Variants in PROX1 observed in about 807,000 individuals in gnomAD.
The protein encoded by PROX1 is prospero homeobox protein 1.
In PROX1, 7 loss-of-function variants were observed where a neutral mutation model predicts 58.8. The observed-to-expected ratio is 0.12, with a 90% CI of 0.07 to 0.22. PROX1 has a LOEUF of 0.22. PROX1 is among the 10% of genes least tolerant of loss of function. The pLI, the probability that PROX1 is intolerant of heterozygous loss-of-function variation, is 1.00. For synonymous variants in PROX1, 350 were observed against 358.3 expected (o/e 0.98, Z 0.26); for missense variants, 675 against 927.8 (o/e 0.73, Z 3.54).
At position 214,038,316 on chromosome 1, in the gene PROX1, C is replaced by G. The variant is rs989378554; in HGVS notation, c.*2482C>G. On this transcript the variant is annotated 3_prime_UTR_variant, in exon 5 of 5. Transcript: ENST00000366958. The stretch of plus-strand genomic sequence containing the variant: ...TTCCGGTGGTTTTCCCTTTTACAAT[C>G]GAAATCTTGTGCCTCCCAAGTGCAT... The G allele has an allele frequency of 1.3e-5, 2 of 152,070 alleles. No homozygotes were observed. The highest frequency in any genetic ancestry group is 6.5e-5 in the Admixed American group (1 of 15,268). The allele number at this position is 152,070 out of a possible 1,614,324, so 9.4% of individuals were successfully genotyped here. A position where few individuals can be genotyped will look rare whatever the true frequency, so the allele number is the denominator to read the frequency against.
intron 4 of PROX1, among the ~76,000 whole-genome samples, chr1:214,018,781 G>A (rs1350327048): frequency 2.0e-5 from 3 of 152,130 alleles, no homozygotes; most frequent in Admixed American, 2.0e-4. Context: ...CGACAGGATG[G>A]CCAGAATCAA....
chr1:214,025,250 G>A (rs1425776102), intron 4 of PROX1, among the ~76,000 whole-genome samples: 2 of 152,168 alleles, frequency 1.3e-5, no homozygotes, highest in Non-Finnish European at 2.9e-5. Context: ...CGGGGGAATG[G>A]TCTGGCCTTA....
chr1:213,997,521 GCAA>G lies in PROX1; in HGVS notation c.993_995del (p.Asn331del). The G allele has an allele frequency of 6.2e-7, 1 of 1,614,004 alleles. No individual in the cohort carries two copies. The highest frequency in any genetic ancestry group is 8.5e-7 in the Non-Finnish European group (1 of 1,179,970). On this transcript the variant is annotated inframe_deletion, in exon 2 of 5. Coordinates refer to ENST00000366958, the MANE Select transcript of PROX1 (RefSeq NM_001270616.2). This position sits in a 1 kb window ranked among gnomAD's most constrained non-coding sequence, Gnocchi z 7.1. ...GCTGAAAACAAGCCGAAGCGAGAAG[GCAA>G]CAACAAAGAAAGAGACCATGGGCCA...
intron 1 of PROX1, among the ~76,000 whole-genome samples, chr1:213,993,082 A>G (rs1663094940): frequency 6.6e-6 from 1 of 152,182 alleles, no homozygotes; most frequent in South Asian, 2.1e-4. Flanking sequence ...TAAGATATGC[A>G]TTGTATAAGA....
At chr1:213,998,874 CTT>C (rs59232877) in intron 2 of PROX1, among the ~76,000 whole-genome samples, 2 of 147,752 alleles carry the variant, frequency 1.4e-5, no homozygotes, top group African/African-American at 5.0e-5. Context: ...TTAAGTGAGA[CTT>C]TTTTTTTTAA....
At chr1:213,993,985 C>T (rs1452768984) in intron 1 of PROX1, among the ~76,000 whole-genome samples, 2 of 152,204 alleles carry the variant, frequency 1.3e-5, no homozygotes, top group African/African-American at 4.8e-5. Context: ...ACTCCACAAG[C>T]ATTTCTTTCC....
intron 3 of PROX1, among the ~76,000 whole-genome samples, chr1:214,008,202 C>T (rs1200121528): frequency 2.6e-5 from 4 of 152,194 alleles, no homozygotes; most frequent in East Asian, 3.9e-4. Context: ...CAGGAATGTG[C>T]CACCACGCCT....
At chr1:214,007,039 A>AT (rs953421018) in intron 3 of PROX1, among the ~76,000 whole-genome samples, 5 of 152,212 alleles carry the variant, frequency 3.3e-5, no homozygotes, top group Non-Finnish European at 7.4e-5. Flanking sequence ...AGAAACAATC[A>AT]TTTTTTGTGA....
intron 4 of PROX1, among the ~76,000 whole-genome samples, chr1:214,027,248 A>G (rs1324037260): frequency 6.9e-6 from 1 of 144,906 alleles, no homozygotes; most frequent in African/African-American, 2.6e-5. Flanking sequence ...TTAACATGAC[A>G]TTGCCTGGTG....
At chr1:214,019,742 G>C (rs1212306432) in intron 4 of PROX1, among the ~76,000 whole-genome samples, 1 of 152,176 alleles carries the variant, frequency 6.6e-6, no homozygotes, top group Non-Finnish European at 1.5e-5. Flanking sequence ...CAGAGCCCAA[G>C]CACATCTTCT....
chr1:214,002,412 C>CTTTTTTTTTTTTT (rs774337530), intron 2 of PROX1, among the ~76,000 whole-genome samples: 3 of 116,378 alleles, frequency 2.6e-5, no homozygotes, highest in Non-Finnish European at 3.5e-5. Context: ...TTTCTTTTTT[C>CTTTTTTTTTTTTT]TTTTTTTTTT....
Position 214,012,928 on chromosome 1 carries a change from C to A in PROX1, c.2028+1213C>A, listed in dbSNP as rs181244161. 2.0e-4 allele frequency among the ~76,000 whole-genome samples: 30 copies of A among 152,216 alleles called. 1 individual carries two copies. Among genetic ancestry groups the A allele is most frequent in the Non-Finnish European group, 5.9e-5 (4 of 68,006 alleles). Reference sequence around the variant, plus strand: ...CCCTAGTACTCTTCCTGCTTGCCCCCCTCCTTTTTTTCGGCTCTTGTCCCT... The same window carrying A: ...CCCTAGTACTCTTCCTGCTTGCCCCACTCCTTTTTTTCGGCTCTTGTCCCT... On this transcript the variant is annotated intron_variant, in intron 4 of 4. Coordinates refer to ENST00000366958, the MANE Select transcript of PROX1 (RefSeq NM_001270616.2).
At chr1:214,017,183 T>C (rs1664126380) in intron 4 of PROX1, among the ~76,000 whole-genome samples, 1 of 152,116 alleles carries the variant, frequency 6.6e-6, no homozygotes. Flanking sequence ...AAAAGATGTT[T>C]TGTGGCAGCC....
intron 4 of PROX1, among the ~76,000 whole-genome samples, chr1:214,015,235 C>T (rs539423220): frequency 6.6e-6 from 1 of 152,124 alleles, no homozygotes; most frequent in South Asian, 2.1e-4. Context: ...CATATCACAC[C>T]GGGTGGGGTG....
chr1:214,029,883 A>T (rs570947071), intron 4 of PROX1: 1 of 152,686 alleles, frequency 6.5e-6, no homozygotes, highest in African/African-American at 2.4e-5. Flanking sequence ...ATATTCATGC[A>T]GAATAGTCTG....
At chr1:214,015,040 T>G (rs1664045820) in intron 4 of PROX1, among the ~76,000 whole-genome samples, 1 of 152,198 alleles carries the variant, frequency 6.6e-6, no homozygotes. Flanking sequence ...GTACAGGACC[T>G]TCTAAGTGGC....
At chr1:214,009,010 A>T (rs1181825684) in intron 3 of PROX1, among the ~76,000 whole-genome samples, 1 of 152,144 alleles carries the variant, frequency 6.6e-6, no homozygotes, top group Non-Finnish European at 1.5e-5. Flanking sequence ...ACAAACTAAT[A>T]ACTCTTAGAC....
In PROX1 at chr1:214,037,211, C is replaced by T. The variant is rs980799755; in HGVS notation, c.*1377C>T. On this transcript the variant is annotated 3_prime_UTR_variant, in exon 5 of 5. Transcript: ENST00000366958. ...GTTCCCTACTTGCATTGAAAAAACT[C>T]GTATGGCATTCACACTTTTTTTCTT... 3.9e-5 allele frequency: 6 copies of T among 152,112 alleles called. No individual in the cohort carries two copies. Among genetic ancestry groups the T allele is most frequent in the African/African-American group, 1.4e-4 (6 of 41,428 alleles). 9.4% of individuals were successfully genotyped at this position (152,112 alleles called of 1,614,324 possible). A position where few individuals can be genotyped will look rare whatever the true frequency, so the allele number is the denominator to read the frequency against.
rs75614009 is a variant in PROX1 at position 214,000,645 on chromosome 1, C to T, written c.1725+2385C>T. Reference sequence around the variant, plus strand: ...TCTTTTCCCCCCTCTACTATTAATACATTGCACTTTTAACCATTTATCTCA... The same window carrying T: ...TCTTTTCCCCCCTCTACTATTAATATATTGCACTTTTAACCATTTATCTCA... On this transcript the variant is annotated intron_variant, in intron 2 of 4. Coordinates refer to ENST00000366958, the MANE Select transcript of PROX1 (RefSeq NM_001270616.2). Among the ~76,000 whole-genome samples, 829 of 152,298 alleles carry T rather than the reference C, an allele frequency of 5.4e-3. 6 individuals carry two copies. The highest frequency in any genetic ancestry group is 0.019 in the African/African-American group (792 of 41,576).
Sources: allele counts gnomAD v4.1 joint callset (sites outside exome capture counted in the v4.1 genomes callset), GRCh38; gene constraint gnomAD v4.1.1; non-coding constraint Gnocchi (gnomAD v3.1); transcripts MANE v1.5; gene names NCBI Gene and HGNC (gene_info 2026-07-23, HGNC 2026-07-21).